GALNT13: variants seen among roughly 807,000 people sequenced by gnomAD.
GALNT13 encodes the protein polypeptide N-acetylgalactosaminyltransferase 13.
A neutral mutation model predicts 64.2 loss-of-function variants in GALNT13; 28 were observed. The ratio of observed to expected loss-of-function variants is 0.44; its 90% CI spans 0.32 to 0.60. The LOEUF (loss-of-function observed/expected upper bound fraction) is 0.60. Among genes scored for constraint, GALNT13 ranks in the 20% least tolerant of loss-of-function variants. GALNT13 has a pLI of 0.05. For synonymous variants in GALNT13, 214 were observed against 224.6 expected (o/e 0.95, Z 0.42); for missense variants, 577 against 669.8 (o/e 0.86, Z 1.53).
chr2:153,207,150 C>T, the GALNT13 span, among the ~76,000 whole-genome samples: 2 of 152,032 alleles, frequency 1.3e-5, no homozygotes, highest in Non-Finnish European at 2.9e-5. Context: ...AAGGTCTAGA[C>T]ATTGCAAATG....
the GALNT13 span, among the ~76,000 whole-genome samples, chr2:153,736,370 G>C: frequency 2.0e-5 from 3 of 152,114 alleles, no homozygotes; most frequent in African/African-American, 7.2e-5. Flanking sequence ...CAATCTTTAA[G>C]ATGTTGCAAG....
At chr2:154,145,070 C>CTCTCTCTATCTATCTA (rs1197890145) in intron 4 of GALNT13, among the ~76,000 whole-genome samples, 1 of 136,234 alleles carries the variant, frequency 7.3e-6, no homozygotes, top group East Asian at 2.2e-4. Flanking sequence ...CTCTCTCTCT[C>CTCTCTCTATCTATCTA]TCTATCTATC....
chr2:154,443,748 A>T (rs1311368521), intron 12 of GALNT13, among the ~76,000 whole-genome samples: 1 of 152,052 alleles, frequency 6.6e-6, no homozygotes, highest in African/African-American at 2.4e-5. Context: ...AAAGTTAGAG[A>T]TACTCCACGC....
At chr2:153,592,977 T>G in the GALNT13 span, 1 of 152,166 alleles carries the variant, frequency 6.6e-6, no homozygotes, top group Non-Finnish European at 1.5e-5. Flanking sequence ...ATCACAAAGA[T>G]CCGTCAGGAG....
intron 4 of GALNT13, among the ~76,000 whole-genome samples, chr2:154,142,577 AG>A (rs1683322218): frequency 6.7e-6 from 1 of 149,834 alleles, no homozygotes; most frequent in Non-Finnish European, 1.5e-5. Context: ...AAAAAAAGAA[AG>A]GAAAAGAAAA....
intron 3 of GALNT13, among the ~76,000 whole-genome samples, chr2:154,001,331 C>A (rs193012983): frequency 6.6e-6 from 1 of 151,844 alleles, no homozygotes; most frequent in East Asian, 1.9e-4. Flanking sequence ...TATATTTTTA[C>A]TCATTTTCTG....
chr2:153,175,026 A>G, the GALNT13 span, among the ~76,000 whole-genome samples: 1 of 152,160 alleles, frequency 6.6e-6, no homozygotes, highest in African/African-American at 2.4e-5. Context: ...TGTTTGATCA[A>G]ACAACTGGGC....
chr2:154,403,039 T>C (rs1421506865), intron 10 of GALNT13, among the ~76,000 whole-genome samples: 2 of 152,184 alleles, frequency 1.3e-5, no homozygotes, highest in African/African-American at 4.8e-5. Context: ...GAAGACAATA[T>C]AGCAGATGCC....
At chr2:154,087,000 C>T (rs906933912) in intron 3 of GALNT13, among the ~76,000 whole-genome samples, 7 of 151,774 alleles carry the variant, frequency 4.6e-5, no homozygotes, top group African/African-American at 9.7e-5. Flanking sequence ...TGTTTGCAAG[C>T]GTGAATTCAG....
chr2:153,630,389 T>A, the GALNT13 span, among the ~76,000 whole-genome samples: 1 of 150,204 alleles, frequency 6.7e-6, no homozygotes, highest in African/African-American at 2.5e-5. Flanking sequence ...TCTGTAAACT[T>A]TCGCAAGGAC....
intron 3 of GALNT13, among the ~76,000 whole-genome samples, chr2:154,058,838 A>T (rs1054061750): frequency 6.6e-6 from 1 of 152,124 alleles, no homozygotes; most frequent in East Asian, 1.9e-4. Context: ...GAAGAGAGGA[A>T]CCATTGTAGG....
chr2:154,034,806 A>G (rs1196973512), intron 3 of GALNT13, among the ~76,000 whole-genome samples: 4 of 137,414 alleles, frequency 2.9e-5, no homozygotes, highest in African/African-American at 1.3e-4. Flanking sequence ...TAGTCCATTG[A>G]AAAAATGCTC....
At chr2:153,609,566 C>T in the GALNT13 span, among the ~76,000 whole-genome samples, 1 of 152,104 alleles carries the variant, frequency 6.6e-6, no homozygotes, top group Non-Finnish European at 1.5e-5. Context: ...TAAAATGTCT[C>T]CTTTTGTCCC....
chr2:153,685,924 G>A, the GALNT13 span, among the ~76,000 whole-genome samples: 1 of 151,968 alleles, frequency 6.6e-6, no homozygotes, highest in East Asian at 1.9e-4. Flanking sequence ...GCTTGTTTTT[G>A]TCAGGTTTGT....
At chr2:153,678,156 A>ATAT in the GALNT13 span, among the ~76,000 whole-genome samples, 7 of 145,626 alleles carry the variant, frequency 4.8e-5, no homozygotes, top group Non-Finnish European at 9.0e-5. Context: ...CCGACAAATG[A>ATAT]ATATATATAT....
the GALNT13 span, among the ~76,000 whole-genome samples, chr2:153,128,221 A>C: frequency 6.6e-6 from 1 of 152,306 alleles, no homozygotes; most frequent in East Asian, 1.9e-4. Flanking sequence ...GACATAGCCA[A>C]GACTGGGAAA....
chr2:153,861,559 C>CTTTTTTTTTTTTT, the GALNT13 span, among the ~76,000 whole-genome samples: 33 of 118,182 alleles, frequency 2.8e-4, no homozygotes, highest in East Asian at 5.9e-4. Context: ...TTCTTTCTTT[C>CTTTTTTTTTTTTT]TTTTTTTTTT....
chr2:153,882,331 C>G lies in GALNT13; in HGVS notation c.-177+10028C>G, dbSNP rs184674931. ...CTGGGGCTAAAACAAAATAATTTAT[C>G]AAACATGTATAGATGAAATAGCCTT... is the stretch of plus-strand genomic sequence containing the variant. On this transcript the variant is annotated intron_variant, in intron 1 of 12. Coordinates refer to ENST00000392825, the MANE Select transcript of GALNT13 (RefSeq NM_052917.4). 3.3e-5 allele frequency among the ~76,000 whole-genome samples: 5 copies of G among 152,106 alleles called. No homozygotes were observed. The East Asian group carries it at 9.7e-4, about 30-fold the overall frequency.
chr2:154,305,434 TTA>T (rs1303881597), intron 9 of GALNT13, among the ~76,000 whole-genome samples: 1 of 152,102 alleles, frequency 6.6e-6, no homozygotes, highest in Non-Finnish European at 1.5e-5. Flanking sequence ...TCTAAAGAGT[TTA>T]TGAGTTTATA....
Sources: gnomAD v4.1 joint callset for allele counts (sites outside exome capture counted in the v4.1 genomes callset) on GRCh38, gnomAD v4.1.1 for gene constraint, MANE v1.5 for transcripts, NCBI Gene and HGNC (gene_info 2026-07-23, HGNC 2026-07-21) for gene names.